The following KCNQ5 variants were observed in gnomAD, a reference collection of about 807,000 sequenced individuals.
KCNQ5 encodes potassium voltage-gated channel subfamily Q member 5.
A neutral mutation model predicts 98.2 loss-of-function variants in KCNQ5; 30 were observed. That is an observed-to-expected ratio of 0.31 (90% CI 0.23 to 0.41). KCNQ5 has a LOEUF of 0.41. Ranked by LOEUF, KCNQ5 falls within the 10% of genes least tolerant of loss-of-function variation. The pLI is 1.00. For missense variants in KCNQ5, 835 were observed against 1,182.5 expected (o/e 0.71, Z 4.31); for synonymous variants, 458 against 449.4 (o/e 1.02, Z -0.24).
chr6:73,107,533 A>G (rs1052248961), intron 6 of KCNQ5, among the ~76,000 whole-genome samples: 4 of 152,168 alleles, frequency 2.6e-5, no homozygotes, highest in Admixed American at 6.5e-5. Context: ...AAAAGGGAAA[A>G]CAAAATGTAT....
intron 1 of KCNQ5, among the ~76,000 whole-genome samples, chr6:72,892,253 A>G (rs1466686524): frequency 6.6e-6 from 1 of 152,208 alleles, no homozygotes; most frequent in Non-Finnish European, 1.5e-5. Flanking sequence ...CATCAGCAGC[A>G]TCACTTTATG....
At chr6:72,892,820 T>C (rs911057829) in intron 1 of KCNQ5, among the ~76,000 whole-genome samples, 2 of 152,136 alleles carry the variant, frequency 1.3e-5, no homozygotes, top group African/African-American at 4.8e-5. Flanking sequence ...TGCTCTGAAT[T>C]AAAATATCAG....
chr6:72,646,760 G>A (rs1765614491), intron 1 of KCNQ5, among the ~76,000 whole-genome samples: 1 of 152,194 alleles, frequency 6.6e-6, no homozygotes, highest in African/African-American at 2.4e-5. Context: ...AAGGGCAAGT[G>A]CACAGCTTAG....
At chr6:72,985,680 G>GA (rs1768737649) in intron 1 of KCNQ5, among the ~76,000 whole-genome samples, 1 of 152,224 alleles carries the variant, frequency 6.6e-6, no homozygotes, top group South Asian at 2.1e-4. Flanking sequence ...AGGCTGTGGA[G>GA]AAAACGGACA....
chr6:72,969,978 T>C (rs544034942), intron 1 of KCNQ5, among the ~76,000 whole-genome samples: 2 of 152,202 alleles, frequency 1.3e-5, no homozygotes, highest in Non-Finnish European at 1.5e-5. Context: ...AATATTCCCA[T>C]TGGGTGCAGG....
chr6:72,890,993 A>C (rs1396440733), intron 1 of KCNQ5, among the ~76,000 whole-genome samples: 1 of 152,242 alleles, frequency 6.6e-6, no homozygotes, highest in East Asian at 1.9e-4. Context: ...AAGGTGCTGG[A>C]AGACTAGAGA....
At chr6:72,638,533 A>G (rs1173082171) in intron 1 of KCNQ5, among the ~76,000 whole-genome samples, 1 of 152,170 alleles carries the variant, frequency 6.6e-6, no homozygotes, top group Non-Finnish European at 1.5e-5. Context: ...TGTACTGGAG[A>G]AGACAGAATA....
chr6:73,146,358 C>T (rs530052529), intron 10 of KCNQ5, among the ~76,000 whole-genome samples: 11 of 152,266 alleles, frequency 7.2e-5, no homozygotes, highest in Admixed American at 6.5e-4. Context: ...GGCACAGTGG[C>T]TCACACCTGT....
At chr6:72,956,489 C>CTTTTTTTTTTTTTTTTTTTTTTTT (rs35114790) in intron 1 of KCNQ5, among the ~76,000 whole-genome samples, 1 of 112,010 alleles carries the variant, frequency 8.9e-6, no homozygotes, top group African/African-American at 3.4e-5. Context: ...TTTCTTTTTT[C>CTTTTTTTTTTTTTTTTTTTTTTTT]TTTTTTTTTT....
At chr6:72,732,321 G>T (rs1770598501) in intron 1 of KCNQ5, among the ~76,000 whole-genome samples, 1 of 152,132 alleles carries the variant, frequency 6.6e-6, no homozygotes, top group South Asian at 2.1e-4. Context: ...TTAGGAAGGG[G>T]AGGGGAGGTG....
chr6:73,064,964 T>A (rs2150379498), intron 3 of KCNQ5, among the ~76,000 whole-genome samples: 1 of 151,874 alleles, frequency 6.6e-6, no homozygotes, highest in Non-Finnish European at 1.5e-5. Flanking sequence ...GTAACCCACA[T>A]CTGAAATTAA....
chr6:73,026,972 C>T (rs1770919573), intron 2 of KCNQ5, among the ~76,000 whole-genome samples: 1 of 152,140 alleles, frequency 6.6e-6, no homozygotes, highest in African/African-American at 2.4e-5. Context: ...ATAGTGGAAA[C>T]CACCTTTTCT....
chr6:72,808,541 A>G (rs568125083), intron 1 of KCNQ5, among the ~76,000 whole-genome samples: 2 of 152,268 alleles, frequency 1.3e-5, no homozygotes, highest in Non-Finnish European at 2.9e-5. Flanking sequence ...AATCCACTGT[A>G]TCTATTTAAA....
chr6:72,748,757 C>T (rs1771530191), intron 1 of KCNQ5, among the ~76,000 whole-genome samples: 1 of 152,130 alleles, frequency 6.6e-6, no homozygotes, highest in South Asian at 2.1e-4. Flanking sequence ...AAACCTGCCC[C>T]TGTTGGTGCT....
At chr6:72,920,670 A>G (rs562975073) in intron 1 of KCNQ5, among the ~76,000 whole-genome samples, 1 of 152,346 alleles carries the variant, frequency 6.6e-6, no homozygotes, top group African/African-American at 2.4e-5. Flanking sequence ...TTTGCTCAGA[A>G]TAATATTAAT....
intron 1 of KCNQ5, among the ~76,000 whole-genome samples, chr6:72,778,656 G>T (rs1446404025): frequency 6.6e-6 from 1 of 152,142 alleles, no homozygotes; most frequent in Non-Finnish European, 1.5e-5. Context: ...TAATTAGCTT[G>T]ATTGTGGTAA....
At chr6:72,704,135 T>A (rs2154474761) in intron 1 of KCNQ5, among the ~76,000 whole-genome samples, 1 of 152,360 alleles carries the variant, frequency 6.6e-6, no homozygotes, top group African/African-American at 2.4e-5. Flanking sequence ...CTTCAGACTT[T>A]CAGATATGAT....
intron 1 of KCNQ5, among the ~76,000 whole-genome samples, chr6:72,811,456 A>G (rs1775236895): frequency 6.6e-6 from 1 of 151,952 alleles, no homozygotes; most frequent in Non-Finnish European, 1.5e-5. Flanking sequence ...TATTATAATT[A>G]TTTTTCTGTT....
chr6:72,773,872 T>G (rs1367116796), intron 1 of KCNQ5, among the ~76,000 whole-genome samples: 3 of 152,120 alleles, frequency 2.0e-5, no homozygotes, highest in Non-Finnish European at 4.4e-5. Flanking sequence ...ATTATAGAAC[T>G]GTAGCATTTA....
Sources: gnomAD v4.1 joint callset for allele counts (sites outside exome capture counted in the v4.1 genomes callset) on GRCh38, gnomAD v4.1.1 for gene constraint, MANE v1.5 for transcripts, NCBI Gene and HGNC (gene_info 2026-07-23, HGNC 2026-07-21) for gene names.